The following ATP5MJ variants were observed in gnomAD, a reference collection of about 807,000 sequenced individuals.
The protein encoded by ATP5MJ is ATP synthase F(0) complex subunit j, mitochondrial.
A neutral mutation model predicts 8.3 loss-of-function variants in ATP5MJ; 4 were observed. The observed-to-expected ratio is 0.48, with a 90% CI of 0.24 to 1.11. The LOEUF is 1.11. ATP5MJ is among the 50% of genes least tolerant of loss of function. The probability of loss-of-function intolerance (pLI) is 0.18; values close to 1 mark genes in which losing one functional copy is unlikely to be tolerated. For synonymous variants in ATP5MJ, 23 were observed against 21.3 expected, an observed-to-expected ratio of 1.08 and a Z score of -0.23; for missense variants, 66 against 71.8, an observed-to-expected ratio of 0.92 and a Z score of 0.29.
At chr14:103,920,434 A>T (rs933829087) in intron 1 of ATP5MJ, among the ~76,000 whole-genome samples, 1 of 136,226 alleles carries the variant, frequency 7.3e-6, no homozygotes, top group African/African-American at 2.8e-5. Flanking sequence ...GCCCAGCTAC[A>T]TATTCCCAAC....
chr14:103,912,731 A>G (rs1278100847), intron 3 of ATP5MJ, 37 bp from the exon 4 acceptor site: 37 of 1,603,422 alleles, frequency 2.3e-5, no homozygotes, highest in Non-Finnish European at 3.1e-5. Flanking sequence ...ATGATTTAAG[A>G]AGGAAGGAAC....
intron 1 of ATP5MJ, chr14:103,920,850 A>C: frequency 1.1e-6 from 1 of 942,118 alleles, no homozygotes; most frequent in Non-Finnish European, 1.7e-6. Context: ...CCTTTTAAAA[A>C]TCCATCTTAT....
At chr14:103,918,042 T>C (rs1484833812) in intron 1 of ATP5MJ, 2 of 152,280 alleles carry the variant, frequency 1.3e-5, no homozygotes, top group Non-Finnish European at 2.9e-5. Context: ...CTGGAACACC[T>C]TGCAGATAGT....
intron 1 of ATP5MJ, among the ~76,000 whole-genome samples, chr14:103,916,833 C>A (rs189802380): frequency 6.6e-6 from 1 of 152,164 alleles, no homozygotes; most frequent in Admixed American, 6.6e-5. Flanking sequence ...GCTCCTTTCA[C>A]ATCACTGCTC....
At chr14:103,920,907 T>C (rs1413495944) in intron 1 of ATP5MJ, 1 of 1,494,646 alleles carries the variant, frequency 6.7e-7, no homozygotes. Context: ...GTCTGCAAAG[T>C]TTTGGCACAT....
At chr14:103,921,306 AC>A (rs1359899410) in intron 1 of ATP5MJ, 163 bp downstream of exon 1, 2 of 333,740 alleles carry the variant, frequency 6.0e-6, no homozygotes, top group Non-Finnish European at 1.1e-5. Context: ...CTGGCAACCG[AC>A]CCTGGCCTAC....
chr14:103,915,677 TG>T (rs1335825324), intron 1 of ATP5MJ, among the ~76,000 whole-genome samples: 2 of 134,840 alleles, frequency 1.5e-5, no homozygotes, highest in Admixed American at 7.7e-5. Flanking sequence ...AAAGCAGAGA[TG>T]GGGTTTTACC....
At chr14:103,920,354 G>A (rs549168887) in intron 1 of ATP5MJ, among the ~76,000 whole-genome samples, 1 of 150,036 alleles carries the variant, frequency 6.7e-6, no homozygotes, top group East Asian at 2.0e-4. Context: ...GGATGGTCTC[G>A]ATCTCTTGAC....
chr14:103,914,849 A>AAAAAAAAAAAAAAC, intron 2 of ATP5MJ: 4 of 365,064 alleles, frequency 1.1e-5, no homozygotes, highest in Non-Finnish European at 9.1e-6. Context: ...AAAAAAAAAA[A>AAAAAAAAAAAAAAC]AAAAAAAAGA....
chr14:103,918,883 G>A lies in ATP5MJ; in HGVS notation c.-1+2587C>T, dbSNP rs553645227. Among the ~76,000 whole-genome samples, 597 of 152,026 alleles carry A rather than the reference G, an allele frequency of 3.9e-3. 3 individuals carry two copies. Among genetic ancestry groups the A allele is most frequent in the Admixed American group, 7.7e-3 (117 of 15,290 alleles). ...TAAAAATACAAAAAATTAGCCGGGC[G>A]TGGTGGCGGGCGCCTGTAGTCCCAG... On this transcript the variant is annotated intron_variant, in intron 1 of 3. Transcript: ENST00000286953.
chr14:103,920,468 C>CTT (rs57538744), intron 1 of ATP5MJ, among the ~76,000 whole-genome samples: 1,305 of 106,520 alleles, frequency 0.012, 18 homozygotes, highest in Non-Finnish European at 0.016. Context: ...ACAGCCCCTA[C>CTT]TTTTTTTTTT....
At chr14:103,918,424 G>C (rs180756071) in intron 1 of ATP5MJ, among the ~76,000 whole-genome samples, 3 of 151,882 alleles carry the variant, frequency 2.0e-5, no homozygotes, top group African/African-American at 7.3e-5. Context: ...TGCAGTGGCG[G>C]ATCTCGGCTC....
At chr14:103,921,039 T>G (rs1233371194) in intron 1 of ATP5MJ, 2 of 1,551,500 alleles carry the variant, frequency 1.3e-6, no homozygotes, top group Non-Finnish European at 1.7e-6. Context: ...TCACCCAAGT[T>G]GTCATGTACA....
intron 2 of ATP5MJ, chr14:103,914,839 A>AAAAG (rs1567185663): frequency 1.5e-5 from 3 of 203,774 alleles, no homozygotes; most frequent in African/African-American, 8.5e-5. Flanking sequence ...ACTGTCTCCA[A>AAAAG]AAAAAAAAAA....
chr14:103,913,766 A>T lies in ATP5MJ; in HGVS notation c.148+195T>A, dbSNP rs1219582917. The T allele has an allele frequency of 7.8e-6, 5 of 640,500 alleles. No individual in the cohort carries two copies. In the East Asian group the frequency reaches 1.4e-4, roughly 18 times the overall value. The allele number at this position is 640,500 out of a possible 1,614,324, so 39.7% of individuals were successfully genotyped here. On this transcript the variant is annotated intron_variant, in intron 3 of 3. Coordinates refer to ENST00000286953, the MANE Select transcript of ATP5MJ (RefSeq NM_004894.3). ...CTGGAAGTTTTACTTGATCCACTTG[A>T]CTATAAAAAGCAGAAATTCAGAATT...
chr14:103,912,682 G>A lies in ATP5MJ; in HGVS notation c.161C>T (p.Ala54Val). ...TAAATCTGGTTAGTGATGACCAGGA[G>A]CAGGCGCTGAAGCTTTTGAAAGAGA... ...RSKALKASAP[A>V]PGHH The change falls in exon 4 of 4, where the codon GCT becomes GTT. Residue 54 changes from alanine to valine, a missense_variant. Transcript: ENST00000286953. The A allele has an allele frequency of 6.2e-7, 1 of 1,614,100 alleles. No individual in the cohort carries two copies. The highest frequency in any genetic ancestry group is 8.5e-7 in the Non-Finnish European group (1 of 1,179,940).
chr14:103,916,446 G>C (rs974748266), intron 1 of ATP5MJ, among the ~76,000 whole-genome samples: 2 of 152,164 alleles, frequency 1.3e-5, no homozygotes, highest in Non-Finnish European at 2.9e-5. Context: ...CTTGGAAACT[G>C]CTTTGGTTGG....
At position 103,921,454 on chromosome 14, in the gene ATP5MJ, A is replaced by T. The variant is rs528650673; in HGVS notation, c.-1+16T>A. 10 of 223,728 alleles carry T rather than the reference A, an allele frequency of 4.5e-5. No individual in the cohort carries two copies. The highest frequency in any genetic ancestry group is 5.5e-5 in the Non-Finnish European group (6 of 109,156). The allele number at this position is 223,728 out of a possible 1,614,324, so 13.9% of individuals were successfully genotyped here. On this transcript the variant is annotated intron_variant, in intron 1 of 3. Coordinates refer to ENST00000286953, the MANE Select transcript of ATP5MJ (RefSeq NM_004894.3). ...GTCTCGCACCTCGGGAGCCAGGTCC[A>T]GGTCCCCGTACTCACCTTGGCGCAG...
rs2087588325 is a variant in ATP5MJ, at chr14:103,912,519, A to T, written c.*147T>A. The T allele has an allele frequency of 1.1e-5, 9 of 823,324 alleles. No homozygotes were observed. Among genetic ancestry groups the T allele is most frequent in the Non-Finnish European group, 1.8e-5 (9 of 498,190 alleles). The allele number at this position is 823,324 out of a possible 1,614,324, so 51.0% of individuals were successfully genotyped here. ...TGAAAGCAGTACCAGGTAGCAGTGC[A>T]TCTCACAGATCCATTTATTCATGCC... On this transcript the variant is annotated 3_prime_UTR_variant, in exon 4 of 4. Transcript: ENST00000286953.
Sources: allele counts gnomAD v4.1 joint callset (sites outside exome capture counted in the v4.1 genomes callset), GRCh38; gene constraint gnomAD v4.1.1; transcripts MANE v1.5; gene names NCBI Gene and HGNC (gene_info 2026-07-23, HGNC 2026-07-21).